TICAM1: variants seen among roughly 807,000 people sequenced by gnomAD.
TICAM1 encodes TIR domain containing adaptor molecule 1.
For missense variants in TICAM1, 895 were observed against 938.2 expected (o/e 0.95, Z 0.60); for synonymous variants, 439 against 415.4 (o/e 1.06, Z -0.69).
chr19:4,825,954 C>T (rs2093604794), intron 1 of TICAM1, among the ~76,000 whole-genome samples: 1 of 151,296 alleles, frequency 6.6e-6, no homozygotes, highest in African/African-American at 2.4e-5. Context: ...AGCAAAACTC[C>T]ATCTCAAAAT....
chr19:4,818,316 T>C lies in TICAM1; in HGVS notation c.62A>G (p.Asp21Gly), dbSNP rs745319253. The C allele has an allele frequency of 1.9e-6, 3 of 1,612,628 alleles. No individual in the cohort carries two copies. Among genetic ancestry groups the C allele is most frequent in the Non-Finnish European group, 2.5e-6 (3 of 1,179,890 alleles). Residue 21 changes from aspartate to glycine, a missense_variant, in exon 2 of 2, where the codon GAC becomes GGC. By Grantham distance (94) the Asp-to-Gly change is moderately conservative. Coordinates refer to ENST00000248244, the MANE Select transcript of TICAM1 (RefSeq NM_182919.4). This position sits in a 1 kb window ranked among gnomAD's most constrained non-coding sequence, Gnocchi z 4.0. ...AFDILGAAGQ[D>G]KLLYLKHKLK... is the part of the protein sequence containing the mutation. ...TTTGTGCTTCAGATACAAGAGCTTGTCCTGGCCTGCTGCACCTAGAATGTC... is the reference window on the plus strand; with the variant it reads ...TTTGTGCTTCAGATACAAGAGCTTGCCCTGGCCTGCTGCACCTAGAATGTC...
chr19:4,830,635 G>A (rs1300926684), intron 1 of TICAM1, among the ~76,000 whole-genome samples: 1 of 152,194 alleles, frequency 6.6e-6, no homozygotes, highest in East Asian at 1.9e-4. Flanking sequence ...AGAGCTCCCA[G>A]TCTGGTTCAG....
In TICAM1 at chr19:4,818,459, G is replaced by T; in HGVS notation, c.-82C>A. On this transcript the variant is annotated 5_prime_UTR_variant, in exon 2 of 2. Transcript: ENST00000248244. This position sits in a 1 kb window ranked among gnomAD's most constrained non-coding sequence, Gnocchi z 4.0. ...CCACACTGCCCCCCGCCTTCTGCAC[G>T]CCCAGTGTCCCCTACCCATTCACTG... is the stretch of plus-strand genomic sequence containing the variant. The T allele has an allele frequency of 6.8e-7, 1 of 1,472,460 alleles. No homozygotes were observed. The highest frequency in any genetic ancestry group is 9.0e-7 in the Non-Finnish European group (1 of 1,112,312). 91.2% of individuals were successfully genotyped at this position (1,472,460 alleles called of 1,614,324 possible). A position where few individuals can be genotyped will look rare whatever the true frequency, so the allele number is the denominator to read the frequency against.
In TICAM1 at chr19:4,815,989, G is replaced by C. The variant is rs2093583987; in HGVS notation, c.*250C>G. On this transcript the variant is annotated 3_prime_UTR_variant, in exon 2 of 2. Transcript: ENST00000248244. ...ACCGTAGCAATACCCCCACCACCAA[G>C]ACCCTTCACCCAGAAATAGAGAGAT... 1 of 406,782 alleles carries C rather than the reference G, an allele frequency of 2.5e-6. No homozygotes were observed. Among genetic ancestry groups the C allele is most frequent in the African/African-American group, 2.1e-5 (1 of 48,700 alleles). 25.2% of individuals were successfully genotyped at this position (406,782 alleles called of 1,614,324 possible).
chr19:4,817,709 G>A lies in TICAM1; in HGVS notation c.669C>T (p.Ser223=). 3 of 1,596,642 alleles carry A rather than the reference G, an allele frequency of 1.9e-6. No individual in the cohort carries two copies. Among genetic ancestry groups the A allele is most frequent in the Non-Finnish European group, 2.6e-6 (3 of 1,173,146 alleles). Reference sequence around the variant, plus strand: ...CACAGAGCTTGCTGGGCCCATGTGGGCTGCGGTGCAGGCTGAGGAAGGGCA... The same window carrying A: ...CACAGAGCTTGCTGGGCCCATGTGGACTGCGGTGCAGGCTGAGGAAGGGCA... ...PTMPFLSLHR[S]PHGPSKLCDD... Residue 223 remains serine, a synonymous_variant, in exon 2 of 2, where the codon AGC becomes AGT. Transcript: ENST00000248244. This position sits in a 1 kb window ranked among gnomAD's most constrained non-coding sequence, Gnocchi z 4.7.
chr19:4,818,799 G>A lies in TICAM1; in HGVS notation c.-139-283C>T, dbSNP rs1007778425. Among the ~76,000 whole-genome samples the A allele has an allele frequency of 1.3e-5, 2 of 152,058 alleles. No individual in the cohort carries two copies. The highest frequency in any genetic ancestry group is 2.1e-4 in the South Asian group (1 of 4,820). On this transcript the variant is annotated intron_variant, in intron 1 of 1. Coordinates refer to ENST00000248244, the MANE Select transcript of TICAM1 (RefSeq NM_182919.4). The surrounding 1 kb of genome is among the most constrained non-coding windows in gnomAD (Gnocchi z 4.0). ...AGCCTGGGCAACACAGCCAGACTCCGTCTCCACTAAAAGTTTAAAAATTAG... is the reference window on the plus strand; with the variant it reads ...AGCCTGGGCAACACAGCCAGACTCCATCTCCACTAAAAGTTTAAAAATTAG...
rs988210752 is a variant in TICAM1, at chr19:4,817,274, T to C, written c.1104A>G (p.Ser368=). The C allele has an allele frequency of 6.3e-7, 1 of 1,575,540 alleles. No individual in the cohort carries two copies. The highest frequency in any genetic ancestry group is 1.5e-5 in the African/African-American group (1 of 64,692). The part of the protein sequence containing the change: ...TSPPPPPPPP[S]STPCSAHLTP... ...TCAGGTGAGCTGAACAAGGAGTAGA[T>C]GAAGGAGGAGGAGGAGGAGGAGGAG... Residue 368 remains serine, a synonymous_variant, in exon 2 of 2, where the codon TCA becomes TCG. Coordinates refer to ENST00000248244, the MANE Select transcript of TICAM1 (RefSeq NM_182919.4). The surrounding 1 kb of genome is among the most constrained non-coding windows in gnomAD (Gnocchi z 4.7).
Position 4,818,177 on chromosome 19 carries a change from A to G in TICAM1, c.201T>C (p.Asp67=). 1.2e-6 allele frequency: 2 copies of G among 1,610,778 alleles called. No individual in the cohort carries two copies. The highest frequency in any genetic ancestry group is 1.7e-6 in the Non-Finnish European group (2 of 1,179,720). The change falls in exon 2 of 2, where the codon GAT becomes GAC. Residue 67 remains aspartate (D), a synonymous_variant. Coordinates refer to ENST00000248244, the MANE Select transcript of TICAM1 (RefSeq NM_182919.4). The surrounding 1 kb of genome is among the most constrained non-coding windows in gnomAD (Gnocchi z 4.0). ...GGCGGGCCACCAGCCGGGCCACCGC[A>G]TCGGCCTTCAATGCCTCTAGAGAGA... ...ARISLEALKA[D]AVARLVARQW... is the part of the protein sequence containing the mutation.
chr19:4,816,406 G>A lies in TICAM1; in HGVS notation c.1972C>T (p.Pro658Ser), dbSNP rs1292695561. 3.2e-6 allele frequency: 5 copies of A among 1,570,758 alleles called. No individual in the cohort carries two copies. The highest frequency in any genetic ancestry group is 2.2e-5 in the East Asian group (1 of 44,644). ...GCCGTAGGGAAGGCTGGGGACTGCG[G>A]GAAGGGCAGTGACTGTGGAAAGGCT... is the stretch of plus-strand genomic sequence containing the variant. Reference protein sequence around the residue: ...PAAFPQSLPFPQSPAFPTASP... With the variant: ...PAAFPQSLPFSQSPAFPTASP... The change falls in exon 2 of 2, where the codon CCG (proline) becomes TCG (serine). Residue 658 changes from proline to serine, a missense_variant. Physicochemically the swap from Pro to Ser is moderately conservative, Grantham distance 74. Transcript: ENST00000248244. The surrounding 1 kb of genome is among the most constrained non-coding windows in gnomAD (Gnocchi z 4.3).
rs146968857 is a variant in TICAM1 at position 4,827,462 on chromosome 19, A to C, written c.-140+4152T>G. On this transcript the variant is annotated intron_variant, in intron 1 of 1. Coordinates refer to ENST00000248244, the MANE Select transcript of TICAM1 (RefSeq NM_182919.4). The stretch of plus-strand genomic sequence containing the variant: ...TGTAAGCTCTACATAAAATGGGATA[A>C]AAATGAAAATGGGCTGGGCGCGGTG... Among the ~76,000 whole-genome samples the C allele has an allele frequency of 8.5e-3, 1,272 of 150,478 alleles. 17 individuals are homozygous for C. Among genetic ancestry groups the C allele is most frequent in the African/African-American group, 0.028 (1,155 of 40,942 alleles).
chr19:4,831,085 G>C (rs144954475), intron 1 of TICAM1, among the ~76,000 whole-genome samples: 89 of 152,032 alleles, frequency 5.9e-4, no homozygotes, highest in African/African-American at 1.8e-3. Flanking sequence ...AGGAATCTGG[G>C]GTATTCGGGA....
intron 1 of TICAM1, among the ~76,000 whole-genome samples, chr19:4,820,822 T>C (rs895956316): frequency 2.0e-5 from 3 of 151,862 alleles, no homozygotes; most frequent in Admixed American, 2.0e-4. Context: ...AGGTGGAGGT[T>C]GCAGTGAGCC....
chr19:4,817,449 C>A lies in TICAM1; in HGVS notation c.929G>T (p.Gly310Val). 1 of 1,614,040 alleles carries A rather than the reference C, an allele frequency of 6.2e-7. No homozygotes were observed. Among genetic ancestry groups the A allele is most frequent in the East Asian group, 2.2e-5 (1 of 44,878 alleles). The change falls in exon 2 of 2, where the codon GGC becomes GTC. Residue 310 changes from glycine to valine, a missense_variant. By Grantham distance (109) the Gly-to-Val change is moderately radical. Transcript: ENST00000248244. The surrounding 1 kb of genome is among the most constrained non-coding windows in gnomAD (Gnocchi z 4.7). ...YPVECTEGSA[G>V]PQSLPLPILE... is the part of the protein sequence containing the mutation. ...AATAGGCAAGGGGAGAGACTGGGGG[C>A]CTGCAGACCCCTCGGTGCACTCCAC... is the stretch of plus-strand genomic sequence containing the variant.
chr19:4,827,800 A>C lies in TICAM1; in HGVS notation c.-140+3814T>G, dbSNP rs7253321. On this transcript the variant is annotated intron_variant, in intron 1 of 1. Transcript: ENST00000248244. Reference sequence around the variant, plus strand: ...GATCCTATATTCAGGTGGGACCACAAGTCGGCCAAAACTTTTTGAAATGAT... The same window carrying C: ...GATCCTATATTCAGGTGGGACCACACGTCGGCCAAAACTTTTTGAAATGAT... Among the ~76,000 whole-genome samples, 808 of 151,772 alleles carry C rather than the reference A, an allele frequency of 5.3e-3. 12 individuals are homozygous for C. Among genetic ancestry groups the C allele is most frequent in the African/African-American group, 0.018 (728 of 41,424 alleles).
intron 1 of TICAM1, among the ~76,000 whole-genome samples, chr19:4,829,559 T>C (rs1048203993): frequency 2.6e-5 from 4 of 152,138 alleles, no homozygotes; most frequent in African/African-American, 9.7e-5. Context: ...CTCTGCCACC[T>C]GCCGGCTTGT....
Position 4,817,276 on chromosome 19 carries a change from AAGGAGG to A in TICAM1, c.1096_1101del (p.Pro366_Pro367del), listed in dbSNP as rs11466722. 1.6e-4 allele frequency: 262 copies of A among 1,603,258 alleles called. 1 individual carries two copies. The highest frequency in any genetic ancestry group is 1.1e-3 in the East Asian group (50 of 44,706). ...AGGTGAGCTGAACAAGGAGTAGATG[AAGGAGG>A]AGGAGGAGGAGGAGGAGGGGATGTT... is the stretch of plus-strand genomic sequence containing the variant. On this transcript the variant is annotated inframe_deletion, in exon 2 of 2. Coordinates refer to ENST00000248244, the MANE Select transcript of TICAM1 (RefSeq NM_182919.4). This position sits in a 1 kb window ranked among gnomAD's most constrained non-coding sequence, Gnocchi z 4.7.
intron 1 of TICAM1, among the ~76,000 whole-genome samples, chr19:4,828,547 T>A (rs2093609164): frequency 1.4e-5 from 2 of 147,714 alleles, no homozygotes; most frequent in South Asian, 4.3e-4. Flanking sequence ...ATATATATAT[T>A]TTTTGAGACG....
At chr19:4,823,464 TAAAAAAA>T (rs796260133) in intron 1 of TICAM1, among the ~76,000 whole-genome samples, 2 of 93,768 alleles carry the variant, frequency 2.1e-5, no homozygotes, top group African/African-American at 4.2e-5. Context: ...GACTCTGTCT[TAAAAAAA>T]AAAAAAAAAA....
chr19:4,822,103 T>C (rs995135805), intron 1 of TICAM1, among the ~76,000 whole-genome samples: 3 of 149,072 alleles, frequency 2.0e-5, no homozygotes, highest in Non-Finnish European at 4.4e-5. Context: ...GCCCGGCTAA[T>C]TTTGTATTTT....
Sources: allele counts gnomAD v4.1 joint callset (sites outside exome capture counted in the v4.1 genomes callset), GRCh38; gene constraint gnomAD v4.1.1; non-coding constraint Gnocchi (gnomAD v3.1); transcripts MANE v1.5; gene names NCBI Gene and HGNC (gene_info 2026-07-23, HGNC 2026-07-21).